DPP6: variants seen among roughly 807,000 people sequenced by gnomAD.
DPP6 encodes A-type potassium channel modulatory protein DPP6.
DPP6 carries 69 observed loss-of-function variants against 122.6 expected under a neutral mutation model. That is an observed-to-expected ratio of 0.56 (90% confidence interval 0.46 to 0.69). The LOEUF (loss-of-function observed/expected upper bound fraction) is 0.69, where lower values mean the gene tolerates loss of function less well. Ranked by LOEUF, DPP6 falls within the 30% of genes least tolerant of loss-of-function variation. The probability of loss-of-function intolerance (pLI) is 0.00; values close to 1 mark genes in which losing one functional copy is unlikely to be tolerated. For synonymous variants in DPP6, 418 were observed against 433.1 expected, an observed-to-expected ratio of 0.97 and a Z score of 0.43; for missense variants, 928 against 1,116.9, an observed-to-expected ratio of 0.83 and a Z score of 2.41.
At chr7:154,889,819 C>T (rs1270860317) in intron 25 of DPP6, 1 of 442,012 alleles carries the variant, frequency 2.3e-6, no homozygotes, top group Non-Finnish European at 4.0e-6. Flanking sequence ...GTGAGAAGAA[C>T]CAAGCCAGCA....
chr7:154,150,996 C>T (rs1416797295), intron 1 of DPP6, among the ~76,000 whole-genome samples: 1 of 152,188 alleles, frequency 6.6e-6, no homozygotes, highest in Non-Finnish European at 1.5e-5. Flanking sequence ...ACTCCGTGAT[C>T]TTGTCTGCAA....
At chr7:154,587,930 A>G (rs775058391) in intron 5 of DPP6, 93 of 1,612,942 alleles carry the variant, frequency 5.8e-5, no homozygotes, top group East Asian at 8.9e-5. Flanking sequence ...AGGACTGCCA[A>G]TGGCACCAGG....
At chr7:154,652,426 C>A (rs1451666396) in intron 6 of DPP6, among the ~76,000 whole-genome samples, 2 of 141,386 alleles carry the variant, frequency 1.4e-5, no homozygotes, top group African/African-American at 5.4e-5. Flanking sequence ...TTTTTGTGAT[C>A]AATATACACA....
At chr7:153,827,160 A>C in the DPP6 span, among the ~76,000 whole-genome samples, 1 of 152,220 alleles carries the variant, frequency 6.6e-6, no homozygotes, top group Non-Finnish European at 1.5e-5. Context: ...GAATACAAGC[A>C]TGGTAACTTT....
At chr7:154,212,272 C>A (rs1433624976) in intron 1 of DPP6, among the ~76,000 whole-genome samples, 1 of 152,212 alleles carries the variant, frequency 6.6e-6, no homozygotes, top group Non-Finnish European at 1.5e-5. Flanking sequence ...CAGGCGCTTT[C>A]AACTTCTTAT....
chr7:154,311,832 C>A (rs1806922407), intron 1 of DPP6, among the ~76,000 whole-genome samples: 1 of 152,174 alleles, frequency 6.6e-6, no homozygotes, highest in African/African-American at 2.4e-5. Flanking sequence ...ATCAAAAATG[C>A]TCCATGTGCT....
intron 2 of DPP6, among the ~76,000 whole-genome samples, chr7:154,473,990 A>G (rs1822511515): frequency 1.3e-5 from 2 of 152,238 alleles, no homozygotes; most frequent in African/African-American, 4.8e-5. Flanking sequence ...TTAAGAGGGC[A>G]GGGAAGTAAA....
At position 154,486,665 on chromosome 7, in the gene DPP6, A is replaced by G. The variant is rs897053489; in HGVS notation, c.457+11628A>G. 2.0e-5 allele frequency among the ~76,000 whole-genome samples: 3 copies of G among 152,248 alleles called. No homozygotes were observed. Among genetic ancestry groups the G allele is most frequent in the Non-Finnish European group, 4.4e-5 (3 of 68,038 alleles). ...AACTTTACAAAACTTCAGTCAGAGC[A>G]TCAGCTTGTGAACCAGCTAGGGTTG... On this transcript the variant is annotated intron_variant, in intron 3 of 25. Coordinates refer to ENST00000377770, the MANE Select transcript of DPP6 (RefSeq NM_130797.4). This position sits in a 1 kb window ranked among gnomAD's most constrained non-coding sequence, Gnocchi z 4.5.
intron 6 of DPP6, among the ~76,000 whole-genome samples, chr7:154,640,341 A>G (rs755095127): frequency 3.3e-5 from 5 of 152,198 alleles, no homozygotes; most frequent in Non-Finnish European, 5.9e-5. Context: ...TTTTTTAGTG[A>G]CATACTACTT....
At chr7:154,137,202 C>G (rs1795600270) in intron 1 of DPP6, among the ~76,000 whole-genome samples, 1 of 152,182 alleles carries the variant, frequency 6.6e-6, no homozygotes, top group South Asian at 2.1e-4. Context: ...CATCTAAACT[C>G]AGCCACATCT....
chr7:153,767,319 A>G, the DPP6 span, among the ~76,000 whole-genome samples: 2 of 152,164 alleles, frequency 1.3e-5, no homozygotes, highest in African/African-American at 4.8e-5. Context: ...AGGACAGAAC[A>G]TTCAAATCTA....
chr7:153,917,865 G>T (rs1470857169), intron 1 of DPP6, among the ~76,000 whole-genome samples: 1 of 152,160 alleles, frequency 6.6e-6, no homozygotes, highest in Non-Finnish European at 1.5e-5. Context: ...GAAAATGAAA[G>T]AAAATGTTTC....
intron 1 of DPP6, among the ~76,000 whole-genome samples, chr7:154,280,340 A>G (rs12537575): frequency 0.41 from 62,800 of 151,990 alleles, 15,030 homozygotes; most frequent in Middle Eastern, 0.53. Flanking sequence ...CTCTTAGAAT[A>G]CACTCTGACC....
chr7:153,875,505 T>A, the DPP6 span, among the ~76,000 whole-genome samples: 1 of 152,100 alleles, frequency 6.6e-6, no homozygotes, highest in Non-Finnish European at 1.5e-5. Context: ...TAAATCTTGA[T>A]AAATAATAGC....
At chr7:153,938,123 T>A (rs1274068157) in intron 1 of DPP6, among the ~76,000 whole-genome samples, 1 of 152,202 alleles carries the variant, frequency 6.6e-6, no homozygotes, top group Non-Finnish European at 1.5e-5. Context: ...CTGCAAAATC[T>A]GATCTCCTCC....
At chr7:154,215,350 G>A (rs994571997) in intron 1 of DPP6, among the ~76,000 whole-genome samples, 1 of 152,098 alleles carries the variant, frequency 6.6e-6, no homozygotes, top group African/African-American at 2.4e-5. Context: ...TCCACAGGTG[G>A]GGATTACAAT....
chr7:153,879,997 T>C, the DPP6 span, among the ~76,000 whole-genome samples: 1 of 152,170 alleles, frequency 6.6e-6, no homozygotes, highest in East Asian at 1.9e-4. Context: ...TTGAAATAAA[T>C]ATATACAGAT....
At chr7:154,147,399 ACT>A (rs1796149146) in intron 1 of DPP6, among the ~76,000 whole-genome samples, 1 of 152,064 alleles carries the variant, frequency 6.6e-6, no homozygotes, top group Non-Finnish European at 1.5e-5. Flanking sequence ...ATTGTTAACC[ACT>A]TTCCTGTAGG....
At chr7:153,776,008 GT>G in the DPP6 span, among the ~76,000 whole-genome samples, 1 of 152,042 alleles carries the variant, frequency 6.6e-6, no homozygotes, top group Non-Finnish European at 1.5e-5. Flanking sequence ...AACGTTATAT[GT>G]TTCTTTAATG....
Sources: allele counts gnomAD v4.1 joint callset (sites outside exome capture counted in the v4.1 genomes callset), GRCh38; gene constraint gnomAD v4.1.1; non-coding constraint Gnocchi (gnomAD v3.1); transcripts MANE v1.5; gene names NCBI Gene and HGNC (gene_info 2026-07-23, HGNC 2026-07-21).